The following TBL1XR1 variants were observed in gnomAD, a reference collection of about 807,000 sequenced individuals.
TBL1XR1 encodes TBL1X/Y related 1.
Under a neutral mutation model 66.9 loss-of-function variants are expected in TBL1XR1, and 5 were observed. That is an observed-to-expected ratio of 0.07 (90% CI 0.04 to 0.16). The LOEUF (loss-of-function observed/expected upper bound fraction) is 0.16, where lower values mean the gene tolerates loss of function less well. TBL1XR1 is among the 10% of genes least tolerant of loss of function. The pLI is 1.00. For missense variants in TBL1XR1, 238 were observed against 623.2 expected, an observed-to-expected ratio of 0.38 and a Z score of 6.58; for synonymous variants, 210 against 206.0, an observed-to-expected ratio of 1.02 and a Z score of -0.17.
At chr3:177,043,135 AT>A (rs1012193074) in intron 10 of TBL1XR1, among the ~76,000 whole-genome samples, 5 of 152,112 alleles carry the variant, frequency 3.3e-5, no homozygotes, top group African/African-American at 1.2e-4. Context: ...CTGATTTCTA[AT>A]TTAATTCCAT....
At chr3:177,156,305 C>T (rs888784006) in intron 1 of TBL1XR1, among the ~76,000 whole-genome samples, 4 of 151,494 alleles carry the variant, frequency 2.6e-5, no homozygotes, top group Admixed American at 1.3e-4. Context: ...TGAGACCAGC[C>T]TGGCCAACAT....
At chr3:177,158,135 A>C (rs1452007660) in intron 1 of TBL1XR1, among the ~76,000 whole-genome samples, 1 of 147,894 alleles carries the variant, frequency 6.8e-6, no homozygotes. Context: ...TAGTTTTTAT[A>C]ACATTATTTC....
At chr3:177,188,487 C>T (rs1303109894) in intron 1 of TBL1XR1, among the ~76,000 whole-genome samples, 1 of 152,000 alleles carries the variant, frequency 6.6e-6, no homozygotes, top group African/African-American at 2.4e-5. Context: ...GTGGAGGGTG[C>T]AGTGAGCCAA....
intron 12 of TBL1XR1, 63 bp from the exon 13 acceptor site, chr3:177,034,388 AT>A: frequency 8.3e-7 from 1 of 1,202,354 alleles, no homozygotes; most frequent in Non-Finnish European, 1.1e-6. Flanking sequence ...TTAAAATATT[AT>A]TTTGACACTT....
chr3:177,183,869 A>G (rs1320534087), intron 1 of TBL1XR1, among the ~76,000 whole-genome samples: 1 of 152,028 alleles, frequency 6.6e-6, no homozygotes, highest in African/African-American at 2.4e-5. Flanking sequence ...CGGGAGGCCA[A>G]GGCAAGGTGG....
Position 177,022,856 on chromosome 3 carries a change from T to C in TBL1XR1, c.*2642A>G, listed in dbSNP as rs1270538352. The C allele has an allele frequency of 6.6e-6, 1 of 152,216 alleles. No individual in the cohort carries two copies. Among genetic ancestry groups the C allele is most frequent in the South Asian group, 2.1e-4 (1 of 4,820 alleles). The allele number at this position is 152,216 out of a possible 1,614,324, so 9.4% of individuals were successfully genotyped here. On this transcript the variant is annotated 3_prime_UTR_variant, in exon 16 of 16. Transcript: ENST00000457928. Reference sequence around the variant, plus strand: ...ATGATGTTGAGAACAGCAGCAAAAATAAACAATCGTATGCTCATGAAGAAC... The same window carrying C: ...ATGATGTTGAGAACAGCAGCAAAAACAAACAATCGTATGCTCATGAAGAAC...
intron 1 of TBL1XR1, among the ~76,000 whole-genome samples, chr3:177,151,672 C>T (rs1052577938): frequency 2.6e-5 from 4 of 152,178 alleles, no homozygotes; most frequent in South Asian, 2.1e-4. Context: ...TCCTCCAGAA[C>T]ACCTGAGGCA....
At chr3:177,134,945 C>CTCTGTGTG (rs1553852509) in intron 1 of TBL1XR1, among the ~76,000 whole-genome samples, 2 of 129,150 alleles carry the variant, frequency 1.5e-5, no homozygotes, top group African/African-American at 3.0e-5. Flanking sequence ...CACTGCAAGG[C>CTCTGTGTG]TGTGTGTGTG....
At chr3:177,080,721 G>C (rs1721292164) in intron 2 of TBL1XR1, among the ~76,000 whole-genome samples, 1 of 152,042 alleles carries the variant, frequency 6.6e-6, no homozygotes. Context: ...ACATCTATCA[G>C]TAACAATAGG....
At chr3:177,190,473 T>A (rs2109005515) in intron 1 of TBL1XR1, among the ~76,000 whole-genome samples, 1 of 152,200 alleles carries the variant, frequency 6.6e-6, no homozygotes, top group Admixed American at 6.5e-5. Flanking sequence ...GTGCCACCAC[T>A]CCCAGCTAAT....
chr3:177,183,014 T>A (rs1735007774), intron 1 of TBL1XR1, among the ~76,000 whole-genome samples: 1 of 152,092 alleles, frequency 6.6e-6, no homozygotes. Context: ...AAATTCCTTA[T>A]CATTTGTATC....
At chr3:177,193,002 A>C (rs534670176) in intron 1 of TBL1XR1, among the ~76,000 whole-genome samples, 1 of 151,824 alleles carries the variant, frequency 6.6e-6, no homozygotes, top group African/African-American at 2.4e-5. Flanking sequence ...AAAACACAAA[A>C]ATTAGCCGGG....
At position 177,126,859 on chromosome 3, in the gene TBL1XR1, C is replaced by T. The variant is rs75483817; in HGVS notation, c.-121-28318G>A. Reference sequence around the variant, plus strand: ...CAAGTCAAGCTTTTACAGAGAAATGCCCAAATCAAATCCTTTTCAAGTGAC... The same window carrying T: ...CAAGTCAAGCTTTTACAGAGAAATGTCCAAATCAAATCCTTTTCAAGTGAC... On this transcript the variant is annotated intron_variant, in intron 1 of 15. Coordinates refer to ENST00000457928, the MANE Select transcript of TBL1XR1 (RefSeq NM_024665.7). 2.1e-3 allele frequency among the ~76,000 whole-genome samples: 315 copies of T among 149,878 alleles called. 21 individuals carry two copies. The East Asian group carries it at 0.056, about 27-fold the overall frequency.
intron 3 of TBL1XR1, 97 bp from the exon 4 acceptor site, chr3:177,054,015 T>C (rs1717455532): frequency 7.7e-7 from 1 of 1,303,704 alleles, no homozygotes; most frequent in South Asian, 1.4e-5. Flanking sequence ...TCAAATCCCA[T>C]CCTACCCATT....
chr3:177,052,171 A>AT (rs1224687828), intron 4 of TBL1XR1, among the ~76,000 whole-genome samples: 7 of 152,224 alleles, frequency 4.6e-5, no homozygotes, highest in African/African-American at 1.7e-4. Context: ...TTGTGATTTG[A>AT]TTCAAATATT....
intron 2 of TBL1XR1, among the ~76,000 whole-genome samples, chr3:177,072,226 C>CT (rs1269653072): frequency 6.6e-6 from 1 of 152,222 alleles, no homozygotes; most frequent in African/African-American, 2.4e-5. Context: ...ATGTGATCAA[C>CT]TTTTTATTTA....
At chr3:177,107,688 A>G (rs963607816) in intron 1 of TBL1XR1, among the ~76,000 whole-genome samples, 2 of 152,170 alleles carry the variant, frequency 1.3e-5, no homozygotes, top group Non-Finnish European at 2.9e-5. Flanking sequence ...ACACATAGAT[A>G]CACCATCCGG....
chr3:177,072,849 A>C (rs921467381), intron 2 of TBL1XR1, among the ~76,000 whole-genome samples: 9 of 152,176 alleles, frequency 5.9e-5, no homozygotes, highest in Admixed American at 5.9e-4. Flanking sequence ...GGATCACTTG[A>C]GGTCAGGAGT....
At chr3:177,113,077 AT>A (rs1443820217) in intron 1 of TBL1XR1, among the ~76,000 whole-genome samples, 1 of 152,100 alleles carries the variant, frequency 6.6e-6, no homozygotes, top group Non-Finnish European at 1.5e-5. Context: ...CAGTCAACTA[AT>A]TTTTGACAAA....
Sources: gnomAD v4.1 joint callset for allele counts (sites outside exome capture counted in the v4.1 genomes callset) on GRCh38, gnomAD v4.1.1 for gene constraint, MANE v1.5 for transcripts, NCBI Gene and HGNC (gene_info 2026-07-23, HGNC 2026-07-21) for gene names.